Variants in RNF207 observed in about 807,000 individuals in gnomAD.
The protein encoded by RNF207 is ring finger protein 207, also known as OTTHUMG00000001089.
A neutral mutation model predicts 79.0 loss-of-function variants in RNF207; 72 were observed. The observed-to-expected ratio is 0.91, with a 90% CI of 0.75 to 1.11. The LOEUF (loss-of-function observed/expected upper bound fraction) is 1.11, where lower values mean the gene tolerates loss of function less well. RNF207 is among the 50% of genes least tolerant of loss of function. RNF207 has a pLI of 0.00. For synonymous variants in RNF207, 348 were observed against 366.2 expected (o/e 0.95, Z 0.57); for missense variants, 936 against 855.8 (o/e 1.09, Z -1.17).
Position 6,209,276 on chromosome 1 carries a change from G to C in RNF207, c.560G>C (p.Arg187Pro). 6.5e-7 allele frequency: 1 copy of C among 1,549,094 alleles called. No homozygotes were observed. Among genetic ancestry groups the C allele is most frequent in the South Asian group, 1.2e-5 (1 of 84,040 alleles). ...CCCGCCGCCTTCTGCAGGGAGAGCC[G>C]GGCACACTGCGTGGACCTGGAATCG... Reference protein sequence around the residue: ...RCFRDMQKESRAHCVDLESAY... With the variant: ...RCFRDMQKESPAHCVDLESAY... The change falls in exon 6 of 18, where the codon CGG becomes CCG. Residue 187 changes from arginine to proline, a missense_variant. Arg to Pro is a moderately radical substitution (Grantham distance 103). Coordinates refer to ENST00000377939, the MANE Select transcript of RNF207 (RefSeq NM_207396.3).
intron 16 of RNF207, 43 bp downstream of exon 16, chr1:6,213,226 G>A: frequency 7.7e-7 from 1 of 1,291,836 alleles, no homozygotes; most frequent in Non-Finnish European, 1.1e-6. Context: ...AGACTCTTCA[G>A]AATGTGCATG....
chr1:6,210,851 G>T lies in RNF207; in HGVS notation c.943-19G>T. 6.3e-7 allele frequency: 1 copy of T among 1,583,560 alleles called. No individual in the cohort carries two copies. Among genetic ancestry groups the T allele is most frequent in the Middle Eastern group, 1.7e-4 (1 of 5,734 alleles). ...GCTGCCACACCTCCACCGGCCTGAG[G>T]CCCTCCTCACTGCCACAGGAGCTGA... is the stretch of plus-strand genomic sequence containing the variant. On this transcript the variant is annotated intron_variant, in intron 10 of 17. Coordinates refer to ENST00000377939, the MANE Select transcript of RNF207 (RefSeq NM_207396.3).
Position 6,209,342 on chromosome 1 carries a change from T to C in RNF207, c.626T>C (p.Leu209Pro), listed in dbSNP as rs1668056476. The C allele has an allele frequency of 3.2e-6, 5 of 1,543,384 alleles. No individual in the cohort carries two copies. The highest frequency in any genetic ancestry group is 4.4e-6 in the Non-Finnish European group (5 of 1,146,128). ...QGCERLEQAVLAVKALQTATR... is the reference protein window; with the variant it reads ...QGCERLEQAVPAVKALQTATR... ...TGCGAGCGGCTGGAGCAGGCGGTGC[T>C]GGTGAGCGCAGGGGCCTGGCGCGCG... The change falls in exon 6 of 18, where the codon CTG becomes CCG. Residue 209 changes from leucine (L) to proline (P), a missense_variant and splice_region_variant. Physicochemically the swap from Leu to Pro is moderately conservative, Grantham distance 98. Coordinates refer to ENST00000377939, the MANE Select transcript of RNF207 (RefSeq NM_207396.3).
chr1:6,210,230 G>C lies in RNF207; in HGVS notation c.808G>C (p.Glu270Gln). ...GCAGCCCCCCTCCCCCAGCCAATAC[G>C]AAGAGAAGGACAAGGCCTTCAAGGA... ...LLLQAVQSQY[E>Q]EKDKAFKEQL... Residue 270 changes from glutamate to glutamine, a missense_variant, in exon 9 of 18, where the codon GAA becomes CAA. By Grantham distance (29) the Glu-to-Gln change is conservative (BLOSUM62 2). Coordinates refer to ENST00000377939, the MANE Select transcript of RNF207 (RefSeq NM_207396.3). The C allele has an allele frequency of 6.2e-7, 1 of 1,613,106 alleles. No individual in the cohort carries two copies. The highest frequency in any genetic ancestry group is 8.5e-7 in the Non-Finnish European group (1 of 1,179,586).
At position 6,219,445 on chromosome 1, in the gene RNF207, A is replaced by G; in HGVS notation, c.*38A>G. The G allele has an allele frequency of 6.7e-7, 1 of 1,500,908 alleles. No homozygotes were observed. Among genetic ancestry groups the G allele is most frequent in the Non-Finnish European group, 9.1e-7 (1 of 1,101,254 alleles). 93.0% of individuals were successfully genotyped at this position (1,500,908 alleles called of 1,614,324 possible). On this transcript the variant is annotated 3_prime_UTR_variant, in exon 18 of 18. Transcript: ENST00000377939. Reference sequence around the variant, plus strand: ...GTCCCCAGGGTCAGGCTCTTAGAGCAGGCACAAGACTGGGACACTGGACAG... The same window carrying G: ...GTCCCCAGGGTCAGGCTCTTAGAGCGGGCACAAGACTGGGACACTGGACAG...
intron 16 of RNF207, among the ~76,000 whole-genome samples, chr1:6,215,358 G>A (rs1001273334): frequency 8.1e-5 from 12 of 148,952 alleles, no homozygotes; most frequent in African/African-American, 3.0e-4. Context: ...TTGAGATGGG[G>A]TCTTGCCATG....
In RNF207 at chr1:6,207,327, G is replaced by A. The variant is rs1667949021; in HGVS notation, c.192-52G>A. ...GCCTGGAATGTGAGGGGTGGGGGTG[G>A]GGAGCCCTGGGGAAGGGGTATCAGA... On this transcript the variant is annotated intron_variant, in intron 2 of 17. Coordinates refer to ENST00000377939, the MANE Select transcript of RNF207 (RefSeq NM_207396.3). The surrounding 1 kb of genome is among the most constrained non-coding windows in gnomAD (Gnocchi z 4.5). 1 of 1,494,774 alleles carries A rather than the reference G, an allele frequency of 6.7e-7. No homozygotes were observed. Among genetic ancestry groups the A allele is most frequent in the Non-Finnish European group, 8.9e-7 (1 of 1,121,178 alleles). 92.6% of individuals were successfully genotyped at this position (1,494,774 alleles called of 1,614,324 possible).
chr1:6,209,827 A>T, intron 7 of RNF207, 97 bp from the exon 8 acceptor site: 1 of 1,290,550 alleles, frequency 7.7e-7, no homozygotes, highest in Non-Finnish European at 1.1e-6. Context: ...AGAGATACCT[A>T]GTGTAACCAG....
intron 16 of RNF207, 47 bp from the exon 17 acceptor site, chr1:6,218,242 C>A: frequency 2.9e-6 from 4 of 1,356,250 alleles, no homozygotes; most frequent in Non-Finnish European, 4.2e-6. Flanking sequence ...GGCCGTGCAG[C>A]AGCTGGCTCT....
rs1481820181 is a variant in RNF207, at chr1:6,211,945, C to T, written c.1188C>T (p.Pro396=). 2 of 1,558,412 alleles carry T rather than the reference C, an allele frequency of 1.3e-6. No homozygotes were observed. The highest frequency in any genetic ancestry group is 1.7e-6 in the Non-Finnish European group (2 of 1,151,534). ...PSPVGKMSGS[P]VQKPTLHRSI... is the part of the protein sequence containing the mutation. ...CAGTAGGAAAGATGTCGGGGTCACC[C>T]GTCCAAAAGCCCACGCTGCACCGGT... Residue 396 remains proline (P), a synonymous_variant, in exon 13 of 18, where the codon CCC becomes CCT. Coordinates refer to ENST00000377939, the MANE Select transcript of RNF207 (RefSeq NM_207396.3). The surrounding 1 kb of genome is among the most constrained non-coding windows in gnomAD (Gnocchi z 4.2).
intron 2 of RNF207, 117 bp downstream of exon 2, chr1:6,206,843 C>G: frequency 2.5e-6 from 2 of 796,020 alleles, no homozygotes; most frequent in Non-Finnish European, 3.9e-6. Flanking sequence ...TCAGGCAGAA[C>G]GACTGGGAGA....
chr1:6,212,479 G>A (rs1668217380), intron 14 of RNF207, 63 bp downstream of exon 14: 1 of 1,484,620 alleles, frequency 6.7e-7, no homozygotes, highest in Non-Finnish European at 9.2e-7. Flanking sequence ...GCTACCCTAA[G>A]ACAGTAAGCG....
In RNF207 at chr1:6,217,679, C is replaced by T. The variant is rs1178694090; in HGVS notation, c.1653-610C>T. Among the ~76,000 whole-genome samples, 1 of 152,198 alleles carries T rather than the reference C, an allele frequency of 6.6e-6. No individual in the cohort carries two copies. The highest frequency in any genetic ancestry group is 1.5e-5 in the Non-Finnish European group (1 of 68,030). ...GCTCTACTGTTCCTGCCTCAATCCA[C>T]CCGCTTTGGTCTCTATTGCTCCCCT... On this transcript the variant is annotated intron_variant, in intron 16 of 17. Coordinates refer to ENST00000377939, the MANE Select transcript of RNF207 (RefSeq NM_207396.3). The surrounding 1 kb of genome is among the most constrained non-coding windows in gnomAD (Gnocchi z 4.2).
Position 6,211,483 on chromosome 1 carries a change from A to T in RNF207, c.1109+365A>T, listed in dbSNP as rs559339941. Among the ~76,000 whole-genome samples, 1 of 152,038 alleles carries T rather than the reference A, an allele frequency of 6.6e-6. No homozygotes were observed. The highest frequency in any genetic ancestry group is 1.5e-5 in the Non-Finnish European group (1 of 67,988). ...AGGTCATAGGGGGCCTGATTCCTGG[A>T]CTCATCTGGAGAGGAGTTAGAAGAG... On this transcript the variant is annotated intron_variant, in intron 12 of 17. Coordinates refer to ENST00000377939, the MANE Select transcript of RNF207 (RefSeq NM_207396.3). This position sits in a 1 kb window ranked among gnomAD's most constrained non-coding sequence, Gnocchi z 4.2.
rs1668156614 is a variant in RNF207, at chr1:6,211,274, C to T, written c.1109+156C>T. Among the ~76,000 whole-genome samples the T allele has an allele frequency of 6.6e-6, 1 of 152,128 alleles. No individual in the cohort carries two copies. Among genetic ancestry groups the T allele is most frequent in the Non-Finnish European group, 1.5e-5 (1 of 68,020 alleles). On this transcript the variant is annotated intron_variant, in intron 12 of 17. Coordinates refer to ENST00000377939, the MANE Select transcript of RNF207 (RefSeq NM_207396.3). This position sits in a 1 kb window ranked among gnomAD's most constrained non-coding sequence, Gnocchi z 4.2. ...ACCCTCCCAGCAGGGTGTCTGGGCA[C>T]AGGGGATGGCCAGGGCGAGTCCACT... is the stretch of plus-strand genomic sequence containing the variant.
chr1:6,206,421 G>A lies in RNF207; in HGVS notation c.1-115G>A, dbSNP rs575183123. The A allele has an allele frequency of 6.9e-4, 489 of 705,508 alleles. No homozygotes were observed. The African/African-American group carries it at 8.5e-3, about 12-fold the overall frequency. 43.7% of individuals were successfully genotyped at this position (705,508 alleles called of 1,614,324 possible). A position where few individuals can be genotyped will look rare whatever the true frequency, so the allele number is the denominator to read the frequency against. ...GCTCCCCACTCCATGACCTCTGGAC[G>A]CCCAGTCGGGTCCAGGCGCGATAGG... On this transcript the variant is annotated intron_variant, in intron 1 of 17. Coordinates refer to ENST00000377939, the MANE Select transcript of RNF207 (RefSeq NM_207396.3).
chr1:6,215,664 A>G (rs1439706152), intron 16 of RNF207, among the ~76,000 whole-genome samples: 1 of 151,490 alleles, frequency 6.6e-6, no homozygotes, highest in Non-Finnish European at 1.5e-5. Context: ...TTTGCTTGTG[A>G]AGGTCTTTGT....
intron 3 of RNF207, chr1:6,208,018 A>G (rs964138604): frequency 3.1e-6 from 1 of 320,498 alleles, no homozygotes; most frequent in African/African-American, 2.2e-5. Flanking sequence ...CGTTCTGGAC[A>G]AGTGCTGAGC....
intron 13 of RNF207, 85 bp from the exon 14 acceptor site, chr1:6,212,146 A>C: frequency 1.3e-6 from 2 of 1,532,244 alleles, no homozygotes; most frequent in Non-Finnish European, 1.8e-6. Flanking sequence ...CCAGCTGCTG[A>C]AGCTGGGAGC....
Sources: allele counts gnomAD v4.1 joint callset (sites outside exome capture counted in the v4.1 genomes callset), GRCh38; gene constraint gnomAD v4.1.1; non-coding constraint Gnocchi (gnomAD v3.1); transcripts MANE v1.5; gene names NCBI Gene and HGNC (gene_info 2026-07-23, HGNC 2026-07-21).